Variants in PAWR observed in about 807,000 individuals in gnomAD.
PAWR encodes the protein pro-apoptotic WT1 regulator, also known as PRKC apoptosis WT1 regulator protein.
In PAWR, 23 loss-of-function variants were observed where a neutral mutation model predicts 32.0. The observed-to-expected ratio is 0.72, with a 90% CI of 0.52 to 1.02. PAWR has a LOEUF of 1.02. Among genes scored for constraint, PAWR ranks in the 50% least tolerant of loss-of-function variants. The pLI, the probability that PAWR is intolerant of heterozygous loss-of-function variation, is 0.00. For missense variants in PAWR, 457 were observed against 437.7 expected (o/e 1.04, Z -0.39); for synonymous variants, 226 against 187.1 (o/e 1.21, Z -1.70).
chr12:79,675,575 T>A (rs1489202255), intron 2 of PAWR, among the ~76,000 whole-genome samples: 5 of 152,236 alleles, frequency 3.3e-5, no homozygotes, highest in Middle Eastern at 3.4e-3. Flanking sequence ...CAAGGTCATG[T>A]CCTTTGCAGC....
In PAWR at chr12:79,638,810, T is replaced by C. The variant is rs868785943; in HGVS notation, c.517-17603A>G. ...TTTGGGGTGTGTGTGTGTGTGTGTG[T>C]GTGTGTGTGTATTATATATAAACAT... On this transcript the variant is annotated intron_variant, in intron 2 of 6. Coordinates refer to ENST00000328827, the MANE Select transcript of PAWR (RefSeq NM_002583.4). 3.7e-3 allele frequency among the ~76,000 whole-genome samples: 504 copies of C among 137,686 alleles called. 8 individuals are homozygous for C. Among genetic ancestry groups the C allele is most frequent in the African/African-American group, 0.013 (477 of 37,742 alleles). 90.3% of individuals were successfully genotyped at this position (137,686 alleles called of 152,430 possible).
At position 79,638,790 on chromosome 12, in the gene PAWR, G is replaced by GGTGTGTGT. The variant is rs34039182; in HGVS notation, c.517-17591_517-17584dup. 5.7e-3 allele frequency among the ~76,000 whole-genome samples: 599 copies of GGTGTGTGT among 105,266 alleles called. 2 individuals are homozygous for GGTGTGTGT. Among genetic ancestry groups the GGTGTGTGT allele is most frequent in the Middle Eastern group, 0.019 (4 of 212 alleles). The allele number at this position is 105,266 out of a possible 152,430, so 69.1% of individuals were successfully genotyped here. A position where few individuals can be genotyped will look rare whatever the true frequency, so the allele number is the denominator to read the frequency against. On this transcript the variant is annotated intron_variant, in intron 2 of 6. Coordinates refer to ENST00000328827, the MANE Select transcript of PAWR (RefSeq NM_002583.4). ...GTCCAAATGCTATCATTATATTTGG[G>GGTGTGTGT]GTGTGTGTGTGTGTGTGTGTGTGTG...
chr12:79,605,277 A>G (rs1329077985), intron 4 of PAWR, among the ~76,000 whole-genome samples: 1 of 152,242 alleles, frequency 6.6e-6, no homozygotes, highest in East Asian at 1.9e-4. Flanking sequence ...TGGTATATTA[A>G]ATATAGTGAA....
chr12:79,596,528 T>C lies in PAWR; in HGVS notation c.814A>G (p.Ile272Val). The change falls in exon 5 of 7, where the codon ATT (isoleucine) becomes GTT (valine). Residue 272 changes from isoleucine (I) to valine (V), a missense_variant. Coordinates refer to ENST00000328827, the MANE Select transcript of PAWR (RefSeq NM_002583.4). ...ATCCATACCTTTTCAAGATCTTCAA[T>C]TTTCTTTTCCAGTGTGCTACTTGAA... is the stretch of plus-strand genomic sequence containing the variant. ...LVSSSTLEKKIEDLEKEVVRE... is the reference protein window; with the variant it reads ...LVSSSTLEKKVEDLEKEVVRE... The C allele has an allele frequency of 6.4e-7, 1 of 1,565,480 alleles. No individual in the cohort carries two copies. Among genetic ancestry groups the C allele is most frequent in the Non-Finnish European group, 8.7e-7 (1 of 1,147,738 alleles).
chr12:79,600,218 ACTG>A (rs1400981518), intron 4 of PAWR, among the ~76,000 whole-genome samples: 3 of 152,170 alleles, frequency 2.0e-5, no homozygotes, highest in African/African-American at 7.2e-5. Flanking sequence ...TTGGTTTACT[ACTG>A]CTATCGCACT....
chr12:79,632,326 T>TATATATATATATATATAC (rs1875702348), intron 2 of PAWR, among the ~76,000 whole-genome samples: 4 of 33,314 alleles, frequency 1.2e-4, no homozygotes, highest in East Asian at 1.1e-3. Context: ...TATATATATA[T>TATATATATATATATATAC]ATATATATAT....
Position 79,587,769 on chromosome 12 carries a change from G to A in PAWR, c.*4838C>T, listed in dbSNP as rs2136665773. 6.6e-6 allele frequency: 1 copy of A among 151,472 alleles called. No homozygotes were observed. The highest frequency in any genetic ancestry group is 1.5e-5 in the Non-Finnish European group (1 of 67,700). The allele number at this position is 151,472 out of a possible 1,614,324, so 9.4% of individuals were successfully genotyped here. On this transcript the variant is annotated 3_prime_UTR_variant, in exon 7 of 7. Transcript: ENST00000328827. ...TAGTCAGGATTTTACTGATAGTACAGGAAGAAAAAAAATAACCACTGTTGA... is the reference window on the plus strand; with the variant it reads ...TAGTCAGGATTTTACTGATAGTACAAGAAGAAAAAAAATAACCACTGTTGA...
chr12:79,640,548 C>T (rs1468235991), intron 2 of PAWR, among the ~76,000 whole-genome samples: 2 of 148,648 alleles, frequency 1.3e-5, no homozygotes, highest in African/African-American at 5.2e-5. Flanking sequence ...TGAGACCAGC[C>T]CAGGCAACAT....
intron 2 of PAWR, chr12:79,667,910 T>G (rs1877689651): frequency 2.6e-5 from 4 of 152,136 alleles, no homozygotes; most frequent in Admixed American, 2.6e-4. Flanking sequence ...TTCCTTGTTT[T>G]TTTTTTTTTT....
rs1566014414 is a variant in PAWR, at chr12:79,639,882, A to ATTCCTATTCCTATTCCTATTCCTATTCCT, written c.517-18676_517-18675insAGGAATAGGAATAGGAATAGGAATAGGAA. 1.4e-4 allele frequency among the ~76,000 whole-genome samples: 6 copies of ATTCCTATTCCTATTCCTATTCCTATTCCT among 42,934 alleles called. 1 individual carries two copies. Among genetic ancestry groups the ATTCCTATTCCTATTCCTATTCCTATTCCT allele is most frequent in the African/African-American group, 1.3e-3 (6 of 4,766 alleles). 28.2% of individuals were successfully genotyped at this position (42,934 alleles called of 152,430 possible). On this transcript the variant is annotated intron_variant, in intron 2 of 6. Transcript: ENST00000328827. ...TATTCCTATTCCTATTCCTATTCCTATTCCATTCCATTCCATTCCATTCCA... is the reference window on the plus strand; with the variant it reads ...TATTCCTATTCCTATTCCTATTCCTATTCCTATTCCTATTCCTATTCCTATTCCTTTCCATTCCATTCCATTCCATTCCA...
chr12:79,688,077 CCAGAGTATTAGA>C (rs1188984029), intron 2 of PAWR, among the ~76,000 whole-genome samples: 1 of 152,038 alleles, frequency 6.6e-6, no homozygotes, highest in African/African-American at 2.4e-5. Context: ...GAAAAACATT[CCAGAGTATTAGA>C]CTCCATTGTA....
At chr12:79,627,054 G>A (rs1160728874) in intron 2 of PAWR, among the ~76,000 whole-genome samples, 1 of 152,134 alleles carries the variant, frequency 6.6e-6, no homozygotes, top group Non-Finnish European at 1.5e-5. Flanking sequence ...AAACATACGT[G>A]TGCATGTGGC....
chr12:79,613,662 CTTA>C lies in PAWR; in HGVS notation c.649-56_649-54del, dbSNP rs1370807724. On this transcript the variant is annotated intron_variant, in intron 3 of 6. Coordinates refer to ENST00000328827, the MANE Select transcript of PAWR (RefSeq NM_002583.4). ...GTTTGAGTATGTATGTACACAATTA[CTTA>C]TTATATAAAATAGTTGATAGAGAAT... The C allele has an allele frequency of 4.4e-6, 4 of 909,994 alleles. No individual in the cohort carries two copies. The Admixed American group carries it at 8.5e-5, about 19-fold the overall frequency. The allele number at this position is 909,994 out of a possible 1,614,324, so 56.4% of individuals were successfully genotyped here.
chr12:79,635,592 T>C (rs1226519757), intron 2 of PAWR: 1 of 152,142 alleles, frequency 6.6e-6, no homozygotes, highest in African/African-American at 2.4e-5. Flanking sequence ...TGTAAATGTA[T>C]ACAAAGATTT....
At chr12:79,688,571 C>G (rs779339087) in intron 2 of PAWR, 49 of 151,662 alleles carry the variant, frequency 3.2e-4, no homozygotes, top group African/African-American at 1.1e-3. Flanking sequence ...AGTAGCAAAC[C>G]GCAGAGGACA....
chr12:79,636,739 G>A (rs192652189), intron 2 of PAWR, among the ~76,000 whole-genome samples: 7 of 152,094 alleles, frequency 4.6e-5, no homozygotes, highest in East Asian at 1.9e-4. Flanking sequence ...ATTTACAACC[G>A]TTCGTAAAAT....
At chr12:79,605,488 G>A (rs1190995723) in intron 4 of PAWR, among the ~76,000 whole-genome samples, 1 of 150,928 alleles carries the variant, frequency 6.6e-6, no homozygotes, top group African/African-American at 2.4e-5. Context: ...TTCAATATTT[G>A]ACATATAATG....
chr12:79,638,889 TATATA>T, intron 2 of PAWR, among the ~76,000 whole-genome samples: 1 of 15,728 alleles, frequency 6.4e-5, no homozygotes. Flanking sequence ...TATATATATA[TATATA>T]TATTTTTTTT....
intron 2 of PAWR, among the ~76,000 whole-genome samples, chr12:79,681,108 T>G: frequency 9.7e-6 from 1 of 103,064 alleles, no homozygotes; most frequent in Non-Finnish European, 1.7e-5. Flanking sequence ...AGATCCTGTC[T>G]CAGAAAAAAG....
Sources: gnomAD v4.1 joint callset for allele counts (sites outside exome capture counted in the v4.1 genomes callset) on GRCh38, gnomAD v4.1.1 for gene constraint, MANE v1.5 for transcripts, NCBI Gene and HGNC (gene_info 2026-07-23, HGNC 2026-07-21) for gene names.